Variants in ZC3H11A observed in about 807,000 individuals in gnomAD.
ZC3H11A encodes the protein zinc finger CCCH-type containing 11A.
In ZC3H11A, 22 loss-of-function variants were observed where a neutral mutation model predicts 90.8. The ratio of observed to expected loss-of-function variants is 0.24; its 90% CI spans 0.17 to 0.35. The LOEUF is 0.35. Ranked by LOEUF, ZC3H11A falls within the 10% of genes least tolerant of loss-of-function variation. The pLI, the probability that ZC3H11A is intolerant of heterozygous loss-of-function variation, is 1.00. For synonymous variants in ZC3H11A, 294 were observed against 339.8 expected (o/e 0.87, Z 1.48); for missense variants, 701 against 964.9 (o/e 0.73, Z 3.62).
chr1:203,802,229 T>C lies in ZC3H11A; in HGVS notation c.-933T>C, dbSNP rs930947181. 6.6e-6 allele frequency: 1 copy of C among 152,630 alleles called. No homozygotes were observed. The highest frequency in any genetic ancestry group is 1.5e-5 in the Non-Finnish European group (1 of 68,030). The allele number at this position is 152,630 out of a possible 1,614,324, so 9.5% of individuals were successfully genotyped here. ...GATATATATACATACATCCATATTA[T>C]ACATAATGATATATGTGTAAGGATT... On this transcript the variant is annotated 5_prime_UTR_variant, in exon 2 of 18. Coordinates refer to ENST00000367210, the MANE Select transcript of ZC3H11A (RefSeq NM_001376342.1).
chr1:203,820,417 C>A (rs1357395666), intron 4 of ZC3H11A, among the ~76,000 whole-genome samples: 4 of 149,826 alleles, frequency 2.7e-5, no homozygotes, highest in Non-Finnish European at 4.5e-5. Context: ...TTTGTATTCC[C>A]CCTCATTACT....
chr1:203,838,435 A>G (rs1685043391), intron 11 of ZC3H11A, among the ~76,000 whole-genome samples: 2 of 152,352 alleles, frequency 1.3e-5, no homozygotes, highest in South Asian at 4.1e-4. Context: ...GACCTAAGAC[A>G]TGAGTTAGAA....
chr1:203,796,221 C>T (rs1487500919), intron 1 of ZC3H11A: 6 of 390,908 alleles, frequency 1.5e-5, no homozygotes, highest in Non-Finnish European at 2.7e-5. Context: ...TCTAGTTGAG[C>T]GGACCCTCAC....
At chr1:203,823,014 A>G (rs1679284970) in intron 4 of ZC3H11A, among the ~76,000 whole-genome samples, 1 of 152,226 alleles carries the variant, frequency 6.6e-6, no homozygotes, top group South Asian at 2.1e-4. Flanking sequence ...TCTTGCAAAT[A>G]GCAGCAGATA....
chr1:203,819,441 C>T (rs932075193), intron 4 of ZC3H11A, among the ~76,000 whole-genome samples: 7 of 150,764 alleles, frequency 4.6e-5, no homozygotes, highest in African/African-American at 1.2e-4. Flanking sequence ...AGGCTGGGCT[C>T]GAACTCCTGA....
Position 203,829,831 on chromosome 1 carries a change from C to A in ZC3H11A, c.554C>A (p.Thr185Asn). The stretch of plus-strand genomic sequence containing the variant: ...ACCAAAACACCTACCCTGCAACCAA[C>A]TCCTGAAGTTCACAATGGATTACGA... Reference protein sequence around the residue: ...DETKTPTLQPTPEVHNGLRVT... With the variant: ...DETKTPTLQPNPEVHNGLRVT... The change falls in exon 7 of 18, where the codon ACT becomes AAT. Residue 185 changes from threonine to asparagine, a missense_variant. Thr to Asn is a moderately conservative substitution (Grantham distance 65). Around this residue, in one of 4 missense-constraint regions of ZC3H11A, gnomAD observed 530 missense variants for 696.2 expected, o/e 0.76. Transcript: ENST00000367210. The A allele has an allele frequency of 6.2e-7, 1 of 1,614,156 alleles. No homozygotes were observed.
intron 4 of ZC3H11A, among the ~76,000 whole-genome samples, chr1:203,819,650 T>G (rs1677812799): frequency 6.7e-6 from 1 of 148,944 alleles, no homozygotes; most frequent in South Asian, 2.2e-4. Context: ...TTCTCCTGCC[T>G]CAGCCTCCCG....
chr1:203,830,172 G>A lies in ZC3H11A; in HGVS notation c.669G>A (p.Lys223=). The change falls in exon 8 of 18, where the codon AAG becomes AAA. Residue 223 remains lysine (K), a synonymous_variant. Transcript: ENST00000367210. ...AAACTCTTGAGGAAATTAAGTCAAA[G>A]AAAATGAAGGAAAAATCTAAGAAGC... ...GIKTLEEIKS[K]KMKEKSKKQG... 1 of 1,598,774 alleles carries A rather than the reference G, an allele frequency of 6.3e-7. No homozygotes were observed. The highest frequency in any genetic ancestry group is 8.5e-7 in the Non-Finnish European group (1 of 1,176,208).
rs1688835486 is a variant in ZC3H11A at position 203,849,841 on chromosome 1, T to C, written c.1754T>C (p.Val585Ala). 4 of 1,614,040 alleles carry C rather than the reference T, an allele frequency of 2.5e-6. No individual in the cohort carries two copies. The East Asian group carries it at 8.9e-5, about 36-fold the overall frequency. ...GTCTTGACACCTCTTCGGGGAGATG[T>C]AGCCTCTTGCAATACCCAAGTGGCA... ...KSVLTPLRGD[V>A]ASCNTQVAEK... The change falls in exon 15 of 18, where the codon GTA becomes GCA. Residue 585 changes from valine to alanine, a missense_variant. Around this residue, in one of 4 missense-constraint regions of ZC3H11A, gnomAD observed 530 missense variants for 696.2 expected, o/e 0.76. Coordinates refer to ENST00000367210, the MANE Select transcript of ZC3H11A (RefSeq NM_001376342.1).
chr1:203,819,833 C>G (rs1014561181), intron 4 of ZC3H11A, among the ~76,000 whole-genome samples: 1 of 150,942 alleles, frequency 6.6e-6, no homozygotes, highest in Non-Finnish European at 1.5e-5. Flanking sequence ...CGCGCCCAGC[C>G]GACTCCAGCA....
chr1:203,838,508 A>G (rs1685073174), intron 11 of ZC3H11A, among the ~76,000 whole-genome samples: 1 of 152,242 alleles, frequency 6.6e-6, no homozygotes, highest in Non-Finnish European at 1.5e-5. Context: ...AACTCCTGCA[A>G]AGGCAGAGCT....
At chr1:203,805,684 G>A in intron 2 of ZC3H11A, 1 of 674,908 alleles carries the variant, frequency 1.5e-6, no homozygotes, top group Non-Finnish European at 2.8e-6. Context: ...TTTTGTGACA[G>A]TGGGAACACC....
At position 203,802,549 on chromosome 1, in the gene ZC3H11A, TTC is replaced by T. The variant is rs1670841953; in HGVS notation, c.-611_-610del. 1 of 152,366 alleles carries T rather than the reference TTC, an allele frequency of 6.6e-6. No homozygotes were observed. Among genetic ancestry groups the T allele is most frequent in the African/African-American group, 2.4e-5 (1 of 41,400 alleles). The allele number at this position is 152,366 out of a possible 1,614,324, so 9.4% of individuals were successfully genotyped here. On this transcript the variant is annotated 5_prime_UTR_variant, in exon 2 of 18. The change abolishes the stop of an existing upstream ORF in the 5' untranslated region. Transcript: ENST00000367210. ...ACAGATAATAAAGATGGGGGAAGGTTTCTGTTTTTTTCTTAATAGGTGAAGAA... is the reference window on the plus strand; with the variant it reads ...ACAGATAATAAAGATGGGGGAAGGTTTGTTTTTTTCTTAATAGGTGAAGAA...
rs530655172 is a variant in ZC3H11A at position 203,848,831 on chromosome 1, A to T, written c.1623+424A>T. Among the ~76,000 whole-genome samples the T allele has an allele frequency of 9.9e-5, 15 of 152,246 alleles. No individual in the cohort carries two copies. In the East Asian group the frequency reaches 2.7e-3, roughly 27 times the overall value. The stretch of plus-strand genomic sequence containing the variant: ...AAAAGTTGGAAATTTTATTTTTTTT[A>T]AAACTGAACAAACCCTAAAAATATA... On this transcript the variant is annotated intron_variant, in intron 14 of 17. Transcript: ENST00000367210.
chr1:203,853,590 T>G lies in ZC3H11A; in HGVS notation c.*1191T>G, dbSNP rs571700310. ...GAAGAGGAAGGAAGGACTTACCCAT[T>G]TTGATATTTTGCTGTAGGTGGCCAG... On this transcript the variant is annotated 3_prime_UTR_variant, in exon 18 of 18. Transcript: ENST00000367210. 3 of 152,694 alleles carry G rather than the reference T, an allele frequency of 2.0e-5. No individual in the cohort carries two copies. Among genetic ancestry groups the G allele is most frequent in the African/African-American group, 7.2e-5 (3 of 41,560 alleles). 9.5% of individuals were successfully genotyped at this position (152,694 alleles called of 1,614,324 possible). A position where few individuals can be genotyped will look rare whatever the true frequency, so the allele number is the denominator to read the frequency against.
intron 1 of ZC3H11A, chr1:203,800,486 G>A (rs2102408419): frequency 1.4e-6 from 2 of 1,460,292 alleles, no homozygotes; most frequent in East Asian, 2.5e-5. Flanking sequence ...ATTTAAAATG[G>A]GCAACTTTTT....
At chr1:203,816,088 T>C (rs984993558) in intron 2 of ZC3H11A, among the ~76,000 whole-genome samples, 1 of 152,202 alleles carries the variant, frequency 6.6e-6, no homozygotes, top group African/African-American at 2.4e-5. Flanking sequence ...TTTTCATCAG[T>C]TATTCTAGCT....
chr1:203,815,211 C>CTTTCTTTTTTTTTT (rs779729339), intron 2 of ZC3H11A, among the ~76,000 whole-genome samples: 7 of 59,396 alleles, frequency 1.2e-4, no homozygotes, highest in South Asian at 7.6e-4. Flanking sequence ...TCTTCCTTTT[C>CTTTCTTTTTTTTTT]TTTTCTTTTT....
Position 203,819,529 on chromosome 1 carries a change from A to ATTTTTTTTTTTTTTTTTT in ZC3H11A, c.174+845_174+862dup, listed in dbSNP as rs755259647. On this transcript the variant is annotated intron_variant, in intron 4 of 17. Coordinates refer to ENST00000367210, the MANE Select transcript of ZC3H11A (RefSeq NM_001376342.1). The stretch of plus-strand genomic sequence containing the variant: ...GAGCCACCGTGCCCAGCTGACTCCA[A>ATTTTTTTTTTTTTTTTTT]TTTTTTTTTTTTTTTTTTTTTTGAG... 1.4e-4 allele frequency among the ~76,000 whole-genome samples: 10 copies of ATTTTTTTTTTTTTTTTTT among 72,876 alleles called. No individual in the cohort carries two copies. The East Asian group carries it at 1.8e-3, about 13-fold the overall frequency. The allele number at this position is 72,876 out of a possible 152,430, so 47.8% of individuals were successfully genotyped here. A position where few individuals can be genotyped will look rare whatever the true frequency, so the allele number is the denominator to read the frequency against.
Sources: gnomAD v4.1 joint callset for allele counts (sites outside exome capture counted in the v4.1 genomes callset) on GRCh38, gnomAD v4.1.1 for gene constraint, gnomAD v4.1.1 regional missense constraint, MANE v1.5 for transcripts, NCBI Gene and HGNC (gene_info 2026-07-23, HGNC 2026-07-21) for gene names.